RBFOX1: variants seen among roughly 807,000 people sequenced by gnomAD.
RBFOX1 encodes the protein RNA binding fox-1 homolog 1, also known as RNA binding protein fox-1 homolog 1.
In RBFOX1, 8 loss-of-function variants were observed where a neutral mutation model predicts 57.7. That is an observed-to-expected ratio of 0.14 (90% CI 0.08 to 0.25). The LOEUF (loss-of-function observed/expected upper bound fraction) is 0.25. RBFOX1 is among the 10% of genes least tolerant of loss of function. RBFOX1 has a pLI of 1.00. For synonymous variants in RBFOX1, 326 were observed against 222.4 expected (o/e 1.47, Z -4.15); for missense variants, 611 against 548.5 (o/e 1.11, Z -1.14).
chr16:5,402,778 A>G (rs1418856656), intron 1 of RBFOX1, among the ~76,000 whole-genome samples: 1 of 152,198 alleles, frequency 6.6e-6, no homozygotes, highest in African/African-American at 2.4e-5. Context: ...AGAAATCTGT[A>G]GGTTGGTTCC....
intron 4 of RBFOX1, among the ~76,000 whole-genome samples, chr16:6,002,116 C>A (rs2060611771): frequency 6.6e-6 from 1 of 152,038 alleles, no homozygotes; most frequent in African/African-American, 2.4e-5. Context: ...GGACTACAAG[C>A]ATGCACCACC....
intron 1 of RBFOX1, among the ~76,000 whole-genome samples, chr16:5,455,035 C>T (rs1356073057): frequency 1.4e-5 from 2 of 143,550 alleles, no homozygotes; most frequent in Non-Finnish European, 3.0e-5. Flanking sequence ...CTCTCTCTGT[C>T]TGTCTCTCTT....
intron 12 of RBFOX1, among the ~76,000 whole-genome samples, chr16:7,663,777 A>G (rs1318817983): frequency 6.6e-6 from 1 of 152,192 alleles, no homozygotes; most frequent in Non-Finnish European, 1.5e-5. Flanking sequence ...AAACAGCTTC[A>G]TATGCAAGAT....
intron 2 of RBFOX1, among the ~76,000 whole-genome samples, chr16:5,480,242 G>C (rs2069479905): frequency 6.6e-6 from 1 of 152,118 alleles, no homozygotes; most frequent in African/African-American, 2.4e-5. Flanking sequence ...TGAAGCTTTT[G>C]ACCAGGGGTC....
chr16:7,686,867 G>A (rs1217095544), intron 14 of RBFOX1, among the ~76,000 whole-genome samples: 3 of 152,054 alleles, frequency 2.0e-5, no homozygotes, highest in Admixed American at 6.6e-5. Flanking sequence ...TGACAAAAGG[G>A]AACTGTTCAA....
intron 3 of RBFOX1, among the ~76,000 whole-genome samples, chr16:5,725,815 A>T (rs1313950312): frequency 6.6e-6 from 1 of 151,868 alleles, no homozygotes; most frequent in Non-Finnish European, 1.5e-5. Flanking sequence ...CTGTTCTAGG[A>T]TGCCAGCTCT....
chr16:7,650,375 A>G (rs1321794691), intron 11 of RBFOX1, among the ~76,000 whole-genome samples: 3 of 151,256 alleles, frequency 2.0e-5, no homozygotes, highest in Non-Finnish European at 4.4e-5. Flanking sequence ...TTAAGCCAGG[A>G]ATTGATTTTC....
At chr16:7,370,126 A>C (rs573879590) in intron 4 of RBFOX1, among the ~76,000 whole-genome samples, 1 of 152,310 alleles carries the variant, frequency 6.6e-6, no homozygotes, top group Admixed American at 6.5e-5. Context: ...ACTGTAGGAC[A>C]ATTGGCAGCA....
chr16:6,537,781 G>C (rs1011055565), intron 2 of RBFOX1, among the ~76,000 whole-genome samples: 3 of 152,136 alleles, frequency 2.0e-5, no homozygotes, highest in Non-Finnish European at 4.4e-5. Flanking sequence ...CCACCAAATA[G>C]TGCTCACTGG....
At chr16:5,691,299 A>T (rs983878922) in intron 3 of RBFOX1, among the ~76,000 whole-genome samples, 1 of 152,200 alleles carries the variant, frequency 6.6e-6, no homozygotes, top group Non-Finnish European at 1.5e-5. Context: ...TGTATGCGGT[A>T]CATAAGACCC....
At chr16:5,579,083 G>A (rs185786531) in intron 2 of RBFOX1, among the ~76,000 whole-genome samples, 1 of 151,934 alleles carries the variant, frequency 6.6e-6, no homozygotes, top group African/African-American at 2.4e-5. Context: ...CCTGACCTCA[G>A]GTGATCCCAC....
intron 3 of RBFOX1, chr16:6,983,865 A>G (rs1458325628): frequency 6.6e-6 from 1 of 152,352 alleles, no homozygotes; most frequent in Admixed American, 6.6e-5. Flanking sequence ...AGCCAAGTGG[A>G]GAGAGTGCTC....
At chr16:5,845,522 A>T (rs2056733891) in intron 3 of RBFOX1, among the ~76,000 whole-genome samples, 1 of 152,184 alleles carries the variant, frequency 6.6e-6, no homozygotes, top group Non-Finnish European at 1.5e-5. Flanking sequence ...GACGAGTGTG[A>T]ATCCCCACTC....
chr16:7,702,725 A>G (rs3785193), intron 14 of RBFOX1, among the ~76,000 whole-genome samples: 42,770 of 152,156 alleles, frequency 0.28, 6,181 homozygotes, highest in East Asian at 0.47. Flanking sequence ...GTCCAAACAC[A>G]GAACACTTGG....
At chr16:6,602,418 G>T (rs925608724) in intron 2 of RBFOX1, among the ~76,000 whole-genome samples, 1 of 152,126 alleles carries the variant, frequency 6.6e-6, no homozygotes, top group African/African-American at 2.4e-5. Context: ...CTGAGTATAG[G>T]ATGGTCTCTC....
At chr16:5,414,350 G>A (rs984868613) in intron 1 of RBFOX1, among the ~76,000 whole-genome samples, 6 of 152,120 alleles carry the variant, frequency 3.9e-5, no homozygotes, top group Admixed American at 2.6e-4. Context: ...TCCGTCCTCC[G>A]ACACTGTGGG....
At chr16:6,902,837 C>T (rs949612957) in intron 3 of RBFOX1, among the ~76,000 whole-genome samples, 1 of 152,260 alleles carries the variant, frequency 6.6e-6, no homozygotes, top group African/African-American at 2.4e-5. Flanking sequence ...CACTGTTTTC[C>T]ATCTGTTCAT....
chr16:7,370,206 G>T (rs2097541554), intron 4 of RBFOX1, among the ~76,000 whole-genome samples: 1 of 152,158 alleles, frequency 6.6e-6, no homozygotes, highest in Non-Finnish European at 1.5e-5. Context: ...CATTGCCATT[G>T]TCCCCTGGGG....
intron 3 of RBFOX1, among the ~76,000 whole-genome samples, chr16:5,786,313 C>T (rs1009919262): frequency 8.5e-5 from 13 of 152,132 alleles, no homozygotes; most frequent in South Asian, 2.1e-4. Flanking sequence ...AACCTCTGAC[C>T]TCCCAAGTCC....
Sources: allele counts gnomAD v4.1 joint callset (sites outside exome capture counted in the v4.1 genomes callset), GRCh38; gene constraint gnomAD v4.1.1; transcripts MANE v1.5; gene names NCBI Gene and HGNC (gene_info 2026-07-23, HGNC 2026-07-21).